The following USH2A variants were observed in gnomAD, a reference collection of about 807,000 sequenced individuals.
USH2A encodes the protein usherin, also known as Usher syndrome 2A (autosomal recessive, mild).
In USH2A, 443 loss-of-function variants were observed where a neutral mutation model predicts 538.9. The ratio of observed to expected loss-of-function variants is 0.82; its 90% CI spans 0.76 to 0.89. The LOEUF is 0.89. USH2A is among the 40% of genes least tolerant of loss of function. The pLI is 0.00. For missense variants in USH2A, 6,633 were observed against 6,324.8 expected (o/e 1.05, Z -1.65); for synonymous variants, 2,413 against 2,273.5 (o/e 1.06, Z -1.75).
intron 64 of USH2A, among the ~76,000 whole-genome samples, chr1:215,651,245 G>A (rs1465336166): frequency 1.3e-5 from 2 of 152,084 alleles, no homozygotes; most frequent in Non-Finnish European, 2.9e-5. Flanking sequence ...ATAAACATAT[G>A]GAACGATGTA....
At chr1:215,921,128 G>T (rs1234814424) in intron 38 of USH2A, among the ~76,000 whole-genome samples, 1 of 151,982 alleles carries the variant, frequency 6.6e-6, no homozygotes, top group African/African-American at 2.4e-5. Flanking sequence ...AACACTATTA[G>T]ATAAATTAAG....
intron 61 of USH2A, among the ~76,000 whole-genome samples, chr1:215,715,276 G>C (rs1659451445): frequency 6.6e-6 from 1 of 152,162 alleles, no homozygotes; most frequent in South Asian, 2.1e-4. Flanking sequence ...GCTGAGGATA[G>C]AAATTATACT....
At chr1:215,658,682 G>A (rs1657345278) in intron 64 of USH2A, among the ~76,000 whole-genome samples, 1 of 152,102 alleles carries the variant, frequency 6.6e-6, no homozygotes, top group African/African-American at 2.4e-5. Context: ...GTGAGACAGG[G>A]GAAACTATCA....
chr1:216,030,697 CAT>C (rs538058619), intron 32 of USH2A, among the ~76,000 whole-genome samples: 7 of 148,940 alleles, frequency 4.7e-5, no homozygotes, highest in African/African-American at 1.7e-4. Context: ...CTGTTAAAGA[CAT>C]ATTCAATTTA....
chr1:216,100,341 A>G (rs1343456926), intron 21 of USH2A, among the ~76,000 whole-genome samples: 1 of 152,154 alleles, frequency 6.6e-6, no homozygotes, highest in Non-Finnish European at 1.5e-5. Context: ...GACCAGGGAG[A>G]TAAAAGGAAG....
chr1:216,060,357 A>G (rs1351794929), intron 30 of USH2A, among the ~76,000 whole-genome samples: 2 of 152,214 alleles, frequency 1.3e-5, no homozygotes, highest in African/African-American at 4.8e-5. Context: ...AAAAGAGGCA[A>G]AAATTAGAGG....
chr1:215,836,714 G>A (rs539809336), intron 47 of USH2A, among the ~76,000 whole-genome samples: 49 of 144,234 alleles, frequency 3.4e-4, no homozygotes, highest in Admixed American at 4.3e-4. Flanking sequence ...CCCCCACCAC[G>A]CCCTGCTAAT....
chr1:215,971,003 A>G (rs942207188), intron 35 of USH2A, among the ~76,000 whole-genome samples: 25 of 152,184 alleles, frequency 1.6e-4, no homozygotes, highest in African/African-American at 6.0e-4. Flanking sequence ...AATAGAACCC[A>G]ACAGTTCCAG....
chr1:216,343,177 G>C (rs535312478), intron 4 of USH2A, among the ~76,000 whole-genome samples: 8 of 151,898 alleles, frequency 5.3e-5, no homozygotes, highest in Non-Finnish European at 1.2e-4. Flanking sequence ...AGATTATACA[G>C]AACTAAAGAT....
At chr1:215,805,408 G>A (rs963359631) in intron 49 of USH2A, among the ~76,000 whole-genome samples, 2 of 152,020 alleles carry the variant, frequency 1.3e-5, no homozygotes, top group African/African-American at 4.8e-5. Flanking sequence ...AAACAGAATG[G>A]TGGTTTCCAG....
intron 32 of USH2A, among the ~76,000 whole-genome samples, chr1:216,030,609 A>G (rs1322163406): frequency 6.8e-6 from 1 of 147,130 alleles, no homozygotes; most frequent in Non-Finnish European, 1.5e-5. Context: ...TATAAATGAT[A>G]TATAGATATA....
chr1:216,198,203 A>C, intron 18 of USH2A, 112 bp downstream of exon 18: 2 of 1,514,592 alleles, frequency 1.3e-6, no homozygotes, highest in East Asian at 4.7e-5. Context: ...GGTCTATGGA[A>C]GTTTCTAATT....
intron 32 of USH2A, among the ~76,000 whole-genome samples, chr1:216,032,757 G>A (rs1367220042): frequency 1.3e-5 from 2 of 152,090 alleles, no homozygotes; most frequent in Admixed American, 1.3e-4. Flanking sequence ...AAGGACCTGA[G>A]GTGGCCCCTA....
intron 61 of USH2A, among the ~76,000 whole-genome samples, chr1:215,698,471 C>A (rs897645116): frequency 3.3e-5 from 5 of 152,198 alleles, no homozygotes; most frequent in African/African-American, 1.2e-4. Context: ...TTCTTCACAT[C>A]CTCTCCAGCA....
Position 216,230,016 on chromosome 1 carries a change from C to T in USH2A, c.2993+1937G>A, listed in dbSNP as rs139217735. The stretch of plus-strand genomic sequence containing the variant: ...AGACATCCCCAGGTCACTGAGCAGG[C>T]GTTTTGCTGATAACCCTGGGAAGAC... On this transcript the variant is annotated intron_variant, in intron 14 of 71. Transcript: ENST00000307340. Among the ~76,000 whole-genome samples, 104 of 152,234 alleles carry T rather than the reference C, an allele frequency of 6.8e-4. 1 individual carries two copies. In the East Asian group the frequency reaches 7.9e-3, roughly 12 times the overall value.
intron 61 of USH2A, among the ~76,000 whole-genome samples, chr1:215,688,727 T>C (rs1458884003): frequency 6.6e-6 from 1 of 152,078 alleles, no homozygotes; most frequent in Non-Finnish European, 1.5e-5. Context: ...ATAAGAACAT[T>C]AATCCTATAG....
chr1:215,930,277 T>C (rs958235683), intron 38 of USH2A, among the ~76,000 whole-genome samples: 2 of 152,010 alleles, frequency 1.3e-5, no homozygotes, highest in South Asian at 4.1e-4. Context: ...TTCTAGCTCG[T>C]CAGTATGGAA....
At chr1:216,340,829 T>C (rs907995931) in intron 4 of USH2A, among the ~76,000 whole-genome samples, 3 of 152,082 alleles carry the variant, frequency 2.0e-5, no homozygotes, top group Admixed American at 6.6e-5. Context: ...AAACTAGGTA[T>C]TGATGGAACA....
chr1:215,698,028 C>T (rs1444329700), intron 61 of USH2A, among the ~76,000 whole-genome samples: 1 of 152,070 alleles, frequency 6.6e-6, no homozygotes, highest in African/African-American at 2.4e-5. Context: ...CTCCCTGTGC[C>T]CATATGTTCT....
Sources: allele counts gnomAD v4.1 joint callset (sites outside exome capture counted in the v4.1 genomes callset), GRCh38; gene constraint gnomAD v4.1.1; transcripts MANE v1.5; gene names NCBI Gene and HGNC (gene_info 2026-07-23, HGNC 2026-07-21).